PRMT8: variants seen among roughly 807,000 people sequenced by gnomAD.
The protein encoded by PRMT8 is protein arginine methyltransferase 8.
PRMT8 carries 7 observed loss-of-function variants against 47.1 expected under a neutral mutation model. The ratio of observed to expected loss-of-function variants is 0.15; its 90% CI spans 0.08 to 0.28. The LOEUF (loss-of-function observed/expected upper bound fraction) is 0.28, where lower values mean the gene tolerates loss of function less well. Among genes scored for constraint, PRMT8 ranks in the 10% least tolerant of loss-of-function variants. The probability of loss-of-function intolerance (pLI) is 1.00; values close to 1 mark genes in which losing one functional copy is unlikely to be tolerated. For missense variants in PRMT8, 237 were observed against 505.4 expected, an observed-to-expected ratio of 0.47 and a Z score of 5.09; for synonymous variants, 188 against 186.5, an observed-to-expected ratio of 1.01 and a Z score of -0.07.
chr12:3,382,639 C>T (rs946719265), intron 1 of PRMT8, among the ~76,000 whole-genome samples: 5 of 152,074 alleles, frequency 3.3e-5, no homozygotes, highest in Non-Finnish European at 5.9e-5. Context: ...ATGTGGTTTA[C>T]AAATATTTTC....
intron 6 of PRMT8, among the ~76,000 whole-genome samples, chr12:3,573,700 G>T (rs977503168): frequency 5.3e-5 from 8 of 152,120 alleles, no homozygotes; most frequent in African/African-American, 1.7e-4. Flanking sequence ...CTTTGTTGTT[G>T]CTTTAATTAC....
intron 1 of PRMT8, among the ~76,000 whole-genome samples, chr12:3,510,013 C>T (rs1434463662): frequency 6.6e-6 from 1 of 152,160 alleles, no homozygotes; most frequent in Non-Finnish European, 1.5e-5. Context: ...TGTAGGGAGC[C>T]CCTGAAAAAC....
intron 1 of PRMT8, among the ~76,000 whole-genome samples, chr12:3,524,090 A>G (rs1378580447): frequency 6.6e-6 from 1 of 152,218 alleles, no homozygotes; most frequent in Non-Finnish European, 1.5e-5. Context: ...TGGCCATTCC[A>G]TTCACCTTGA....
At chr12:3,489,357 G>T (rs1337851795), upstream of PRMT8, among the ~76,000 whole-genome samples, 1 of 151,892 alleles carries the variant, frequency 6.6e-6, no homozygotes, top group Non-Finnish European at 1.5e-5. Context: ...AAGCAGTGTT[G>T]GGTGGGGGCA....
rs1028852964 is a variant in PRMT8, at chr12:3,557,966, G to T, written c.481+4252G>T. 5.3e-5 allele frequency among the ~76,000 whole-genome samples: 8 copies of T among 152,014 alleles called. No homozygotes were observed. The highest frequency in any genetic ancestry group is 1.7e-4 in the African/African-American group (7 of 41,356). The stretch of plus-strand genomic sequence containing the variant: ...ACCTGTGCCGTAATTCCTGACCTCT[G>T]ACCCAGCCCCTGACTCTTCGTCTCC... On this transcript the variant is annotated intron_variant, in intron 4 of 9. Coordinates refer to ENST00000382622, the MANE Select transcript of PRMT8 (RefSeq NM_019854.5). This position sits in a 1 kb window ranked among gnomAD's most constrained non-coding sequence, Gnocchi z 4.7.
chr12:3,382,212 G>A (rs573474512), intron 1 of PRMT8, among the ~76,000 whole-genome samples: 1 of 152,294 alleles, frequency 6.6e-6, no homozygotes, highest in Admixed American at 6.5e-5. Context: ...AGGTATTTGG[G>A]TGAACATGAG....
chr12:3,569,510 G>A lies in PRMT8; in HGVS notation c.658G>A (p.Ala220Thr). Residue 220 changes from alanine (A) to threonine (T), a missense_variant, in exon 6 of 10, where the codon GCT (alanine) becomes ACT (threonine). Coordinates refer to ENST00000382622, the MANE Select transcript of PRMT8 (RefSeq NM_019854.5). This position sits in a 1 kb window ranked among gnomAD's most constrained non-coding sequence, Gnocchi z 8.2. ...AGGGCTTATGTTTCCAGACCGGGCA[G>A]CTTTGTACGTGGTAGCGATTGAAGA... is the stretch of plus-strand genomic sequence containing the variant. ...PGGLMFPDRA[A>T]LYVVAIEDRQ... 6.2e-7 allele frequency: 1 copy of A among 1,614,182 alleles called. No homozygotes were observed. The highest frequency in any genetic ancestry group is 8.5e-7 in the Non-Finnish European group (1 of 1,180,030).
chr12:3,498,473 TCTTGCCATC>T (rs1366692809), intron 1 of PRMT8, among the ~76,000 whole-genome samples: 2 of 152,196 alleles, frequency 1.3e-5, no homozygotes, highest in African/African-American at 2.4e-5. Context: ...TCCACCGCCA[TCTTGCCATC>T]CTCACTTTCA....
rs773419294 is a variant in PRMT8, at chr12:3,540,599, C to T, written c.76-7C>T. 6 of 1,550,542 alleles carry T rather than the reference C, an allele frequency of 3.9e-6. No homozygotes were observed. Reference sequence around the variant, plus strand: ...CCTAACACCCGACCCCCTTCTCTTCCCCTCAGGTGAACAGCCCCCCCTCCC... The same window carrying T: ...CCTAACACCCGACCCCCTTCTCTTCTCCTCAGGTGAACAGCCCCCCCTCCC... On this transcript the variant is annotated splice_polypyrimidine_tract_variant and splice_region_variant and intron_variant, in intron 1 of 9. Transcript: ENST00000382622.
chr12:3,489,544 G>A, upstream of PRMT8, among the ~76,000 whole-genome samples: 1 of 152,088 alleles, frequency 6.6e-6, no homozygotes, highest in African/African-American at 2.4e-5. Flanking sequence ...CACAAACACT[G>A]AGACACTTTT....
intron 1 of PRMT8, among the ~76,000 whole-genome samples, chr12:3,510,275 A>C (rs1381866303): frequency 2.6e-5 from 4 of 152,114 alleles, no homozygotes; most frequent in East Asian, 1.9e-4. Flanking sequence ...CCCTTTACTC[A>C]TGTGTGCTGT....
Position 3,492,051 on chromosome 12 carries a change from G to A in PRMT8, c.75+351G>A, listed in dbSNP as rs1405328893. ...GCCGCGCTCCCCTGCCCTCTCCTCTGGGCTCCGTGAGGGCTCCCGGGTCCC... is the reference window on the plus strand; with the variant it reads ...GCCGCGCTCCCCTGCCCTCTCCTCTAGGCTCCGTGAGGGCTCCCGGGTCCC... On this transcript the variant is annotated intron_variant, in intron 1 of 9. Coordinates refer to ENST00000382622, the MANE Select transcript of PRMT8 (RefSeq NM_019854.5). This position sits in a 1 kb window ranked among gnomAD's most constrained non-coding sequence, Gnocchi z 7.5. Among the ~76,000 whole-genome samples, 1 of 152,054 alleles carries A rather than the reference G, an allele frequency of 6.6e-6. No individual in the cohort carries two copies. The highest frequency in any genetic ancestry group is 1.5e-5 in the Non-Finnish European group (1 of 68,012).
intron 1 of PRMT8, among the ~76,000 whole-genome samples, chr12:3,512,348 C>T (rs1415947691): frequency 6.6e-6 from 1 of 152,154 alleles, no homozygotes; most frequent in African/African-American, 2.4e-5. Flanking sequence ...TCCTCTTCTA[C>T]ATCTTGGGAC....
chr12:3,556,416 C>T (rs1267453510), intron 4 of PRMT8, among the ~76,000 whole-genome samples: 1 of 151,876 alleles, frequency 6.6e-6, no homozygotes, highest in Non-Finnish European at 1.5e-5. Flanking sequence ...ACCATGAAGC[C>T]CAGGGAGGGG....
At chr12:3,423,349 T>G (rs1864564687) in intron 1 of PRMT8, among the ~76,000 whole-genome samples, 1 of 152,204 alleles carries the variant, frequency 6.6e-6, no homozygotes, top group Middle Eastern at 3.2e-3. Context: ...TCTGCCGGTT[T>G]TATTAGTGAT....
Position 3,491,449 on chromosome 12 carries a change from G to A in PRMT8, c.-177G>A, listed in dbSNP as rs1348156009. 2.2e-6 allele frequency: 3 copies of A among 1,391,516 alleles called. No individual in the cohort carries two copies. The highest frequency in any genetic ancestry group is 9.3e-7 in the Non-Finnish European group (1 of 1,073,684). 86.2% of individuals were successfully genotyped at this position (1,391,516 alleles called of 1,614,324 possible). On this transcript the variant is annotated 5_prime_UTR_variant, in exon 1 of 10. Transcript: ENST00000382622. ...CAGATGAGAAGGGAGGAAAATAAAA[G>A]AAAGTGGAGACTGCAGAACAGACTC... is the stretch of plus-strand genomic sequence containing the variant.
intron 1 of PRMT8, among the ~76,000 whole-genome samples, chr12:3,451,944 C>CAACACCCAG (rs2137080854): frequency 6.6e-6 from 1 of 152,272 alleles, no homozygotes; most frequent in South Asian, 2.1e-4. Context: ...GATGCGGCTT[C>CAACACCCAG]TCCACATAAA....
At chr12:3,499,116 G>C (rs1865551644) in intron 1 of PRMT8, among the ~76,000 whole-genome samples, 2 of 151,302 alleles carry the variant, frequency 1.3e-5, no homozygotes, top group African/African-American at 4.9e-5. Context: ...AATCCAATAT[G>C]ACTTCATCTT....
chr12:3,398,368 A>G (rs989073468), intron 1 of PRMT8, among the ~76,000 whole-genome samples: 8 of 152,288 alleles, frequency 5.3e-5, no homozygotes, highest in Middle Eastern at 3.4e-3. Flanking sequence ...GAACGCCAAA[A>G]ATGGTGCTGT....
Sources: gnomAD v4.1 joint callset for allele counts (sites outside exome capture counted in the v4.1 genomes callset) on GRCh38, gnomAD v4.1.1 for gene constraint, Gnocchi (gnomAD v3.1) non-coding constraint, MANE v1.5 for transcripts, NCBI Gene and HGNC (gene_info 2026-07-23, HGNC 2026-07-21) for gene names.